The following KCNIP1 variants were observed in gnomAD, a reference collection of about 807,000 sequenced individuals.
The protein encoded by KCNIP1 is A-type potassium channel modulatory protein KCNIP1.
Under a neutral mutation model 33.0 loss-of-function variants are expected in KCNIP1, and 18 were observed. The observed-to-expected ratio is 0.55, with a 90% CI of 0.38 to 0.81. KCNIP1 has a LOEUF of 0.81. KCNIP1 is among the 30% of genes least tolerant of loss of function. The pLI, the probability that KCNIP1 is intolerant of heterozygous loss-of-function variation, is 0.00. For synonymous variants in KCNIP1, 93 were observed against 98.3 expected (o/e 0.95, Z 0.32); for missense variants, 238 against 271.6 (o/e 0.88, Z 0.87).
chr5:170,435,149 G>A (rs1755832016), intron 1 of KCNIP1, among the ~76,000 whole-genome samples: 1 of 152,210 alleles, frequency 6.6e-6, no homozygotes, highest in South Asian at 2.1e-4. Context: ...GCCCTGGCCA[G>A]TTGCAGCCAG....
At chr5:170,694,686 G>A (rs772072478) in intron 1 of KCNIP1, among the ~76,000 whole-genome samples, 1 of 152,190 alleles carries the variant, frequency 6.6e-6, no homozygotes, top group African/African-American at 2.4e-5. Flanking sequence ...CCACAGAGAG[G>A]TTCTTTTTAA....
chr5:170,572,005 C>A (rs940139891), intron 1 of KCNIP1, among the ~76,000 whole-genome samples: 1 of 152,140 alleles, frequency 6.6e-6, no homozygotes, highest in Admixed American at 6.5e-5. Context: ...TAGCACCCTA[C>A]GCACAGTAAT....
chr5:170,390,513 A>ATATATATATATATAT (rs1554088932), intron 1 of KCNIP1, among the ~76,000 whole-genome samples: 1 of 28,844 alleles, frequency 3.5e-5, no homozygotes, highest in African/African-American at 1.5e-4. Context: ...AAAAAAAAAA[A>ATATATATATATATAT]ACAAATATAT....
intron 1 of KCNIP1, among the ~76,000 whole-genome samples, chr5:170,547,888 G>A (rs7726835): frequency 1.3e-5 from 2 of 152,248 alleles, no homozygotes; most frequent in South Asian, 4.2e-4. Context: ...TATATACCCA[G>A]TAGTGGGATT....
At chr5:170,726,959 A>ACC (rs35623606) in intron 5 of KCNIP1, among the ~76,000 whole-genome samples, 1 of 151,830 alleles carries the variant, frequency 6.6e-6, no homozygotes. Flanking sequence ...CTGGATATTT[A>ACC]CCCCCAAAAG....
chr5:170,735,768 A>G lies in KCNIP1; in HGVS notation c.613A>G (p.Ile205Val). The change falls in exon 8 of 8, where the codon ATC (isoleucine) becomes GTC (valine). Residue 205 changes from isoleucine (I) to valine (V), a missense_variant. Physicochemically the swap from Ile to Val is conservative, Grantham distance 29 (BLOSUM62 3). Coordinates refer to ENST00000328939, the MANE Select transcript of KCNIP1 (RefSeq NM_014592.4). ...CCTCCTTTTTTCCCAGGACGACAAC[A>G]TCATGAGGTCTCTCCAGCTGTTTCA... ...FLESCQEDDN[I>V]MRSLQLFQNV... The G allele has an allele frequency of 6.2e-7, 1 of 1,614,088 alleles. No homozygotes were observed. Among genetic ancestry groups the G allele is most frequent in the Non-Finnish European group, 8.5e-7 (1 of 1,179,970 alleles).
At chr5:170,506,476 C>T (rs1754724927) in intron 1 of KCNIP1, among the ~76,000 whole-genome samples, 1 of 152,144 alleles carries the variant, frequency 6.6e-6, no homozygotes, top group Non-Finnish European at 1.5e-5. Flanking sequence ...GTGCATAGGG[C>T]TGGGAAAAGA....
chr5:170,573,061 C>A (rs1462521068), intron 1 of KCNIP1, among the ~76,000 whole-genome samples: 9 of 152,210 alleles, frequency 5.9e-5, no homozygotes, highest in African/African-American at 2.2e-4. Flanking sequence ...GGGCCAGTCC[C>A]CAGCCCAGAG....
At chr5:170,661,311 G>A (rs968964206) in intron 1 of KCNIP1, among the ~76,000 whole-genome samples, 10 of 152,290 alleles carry the variant, frequency 6.6e-5, no homozygotes, top group South Asian at 2.1e-4. Flanking sequence ...GTGTTTCTGC[G>A]TGTACATTGA....
intron 1 of KCNIP1, among the ~76,000 whole-genome samples, chr5:170,717,959 T>C (rs1763691131): frequency 6.6e-6 from 1 of 152,212 alleles, no homozygotes; most frequent in Non-Finnish European, 1.5e-5. Context: ...CACCTACCCC[T>C]CTGTGATGGT....
At chr5:170,661,744 C>G (rs976333594) in intron 1 of KCNIP1, among the ~76,000 whole-genome samples, 4 of 152,242 alleles carry the variant, frequency 2.6e-5, no homozygotes, top group African/African-American at 7.2e-5. Flanking sequence ...CCTACCCACT[C>G]ATGCATTCAT....
Position 170,461,516 on chromosome 5 carries a change from C to T in KCNIP1, c.88+107552C>T, listed in dbSNP as rs139599453. Among the ~76,000 whole-genome samples, 491 of 152,084 alleles carry T rather than the reference C, an allele frequency of 3.2e-3. 17 individuals carry two copies. In the East Asian group the frequency reaches 0.08, roughly 25 times the overall value. On this transcript the variant is annotated intron_variant, in intron 1 of 7. Coordinates refer to the KCNIP1 transcript ENST00000377360. ...CTGTAATCCCAGCACTTTGGGAGACCGAGGCAGGCGGATCACAAAGTCAGG... is the reference window on the plus strand; with the variant it reads ...CTGTAATCCCAGCACTTTGGGAGACTGAGGCAGGCGGATCACAAAGTCAGG...
chr5:170,360,070 C>T (rs1032724544), intron 1 of KCNIP1, among the ~76,000 whole-genome samples: 34 of 152,234 alleles, frequency 2.2e-4, no homozygotes, highest in African/African-American at 8.2e-4. Flanking sequence ...TGCCACACCA[C>T]AGCCCTGGGA....
At chr5:170,644,610 G>T (rs1327533761) in intron 1 of KCNIP1, among the ~76,000 whole-genome samples, 1 of 152,228 alleles carries the variant, frequency 6.6e-6, no homozygotes, top group East Asian at 1.9e-4. Flanking sequence ...CTGGGGACAA[G>T]GGAGGGAGAG....
chr5:170,646,627 C>A (rs1760798740), intron 1 of KCNIP1, among the ~76,000 whole-genome samples: 1 of 152,144 alleles, frequency 6.6e-6, no homozygotes, highest in African/African-American at 2.4e-5. Flanking sequence ...AATCCTCCAG[C>A]TAACATCATA....
At chr5:170,481,913 C>G (rs1756986359) in intron 1 of KCNIP1, among the ~76,000 whole-genome samples, 2 of 152,218 alleles carry the variant, frequency 1.3e-5, no homozygotes, top group African/African-American at 4.8e-5. Context: ...CTGAAATCAT[C>G]CCTTCTTGCT....
chr5:170,606,252 G>T (rs1404398540), intron 1 of KCNIP1, among the ~76,000 whole-genome samples: 2 of 152,134 alleles, frequency 1.3e-5, no homozygotes, highest in East Asian at 1.9e-4. Context: ...ATTCTTTGGG[G>T]TATATACCCA....
intron 1 of KCNIP1, chr5:170,385,224 G>T (rs1581135026): frequency 2.1e-6 from 3 of 1,401,402 alleles, no homozygotes; most frequent in Middle Eastern, 4.1e-4. Context: ...GAGGGTCAAG[G>T]AGAGGGGTGA....
In KCNIP1 at chr5:170,613,861, A is replaced by G. The variant is rs1485550779; in HGVS notation, c.62-104897A>G. 3.9e-5 allele frequency among the ~76,000 whole-genome samples: 6 copies of G among 152,230 alleles called. No homozygotes were observed. In the South Asian group the frequency reaches 1.0e-3, roughly 26 times the overall value. ...TATTGTTGTGTCATGTGAATCCTTC[A>G]CAGGGGCCACTTGGTGTCTGTGTGG... On this transcript the variant is annotated intron_variant, in intron 1 of 7. Transcript: ENST00000328939.
Sources: allele counts gnomAD v4.1 joint callset (sites outside exome capture counted in the v4.1 genomes callset), GRCh38; gene constraint gnomAD v4.1.1; transcripts MANE v1.5; gene names NCBI Gene and HGNC (gene_info 2026-07-23, HGNC 2026-07-21).